Variants in RAPGEF4 observed in about 807,000 individuals in gnomAD.
RAPGEF4 encodes the protein Rap guanine nucleotide exchange factor 4, also known as RAP guanine-nucleotide-exchange factor (GEF) 4.
RAPGEF4 carries 66 observed loss-of-function variants against 147.9 expected under a neutral mutation model. The observed-to-expected ratio is 0.45, with a 90% CI of 0.37 to 0.55. The LOEUF is 0.55. Among genes scored for constraint, RAPGEF4 ranks in the 20% least tolerant of loss-of-function variants. The probability of loss-of-function intolerance (pLI) is 0.00; values close to 1 mark genes in which losing one functional copy is unlikely to be tolerated. For synonymous variants in RAPGEF4, 419 were observed against 442.7 expected (o/e 0.95, Z 0.67); for missense variants, 1,071 against 1,257.3 (o/e 0.85, Z 2.24).
At chr2:172,774,124 A>G (rs1452383371) in intron 1 of RAPGEF4, among the ~76,000 whole-genome samples, 1 of 152,220 alleles carries the variant, frequency 6.6e-6, no homozygotes, top group Non-Finnish European at 1.5e-5. Flanking sequence ...TGATATTATC[A>G]CACCTAAATG....
At chr2:172,771,012 C>T (rs1052013223) in intron 1 of RAPGEF4, among the ~76,000 whole-genome samples, 1 of 152,042 alleles carries the variant, frequency 6.6e-6, no homozygotes, top group Non-Finnish European at 1.5e-5. Context: ...TAGCTTGGCC[C>T]TTGTCTTAGT....
In RAPGEF4 at chr2:172,991,510, G is replaced by A. The variant is rs140409634; in HGVS notation, c.1490+585G>A. On this transcript the variant is annotated intron_variant, in intron 15 of 30. Transcript: ENST00000397081. The stretch of plus-strand genomic sequence containing the variant: ...TAACTTGAGTCTTTTTCAGCATACC[G>A]ATGTTCAGTTCCAGCTTTTGCTGCA... Among the ~76,000 whole-genome samples, 16 of 152,254 alleles carry A rather than the reference G, an allele frequency of 1.1e-4. No individual in the cohort carries two copies. In the East Asian group the frequency reaches 2.9e-3, roughly 28 times the overall value.
At chr2:172,876,394 A>G (rs1352253462) in intron 4 of RAPGEF4, among the ~76,000 whole-genome samples, 1 of 152,154 alleles carries the variant, frequency 6.6e-6, no homozygotes, top group African/African-American at 2.4e-5. Context: ...TTTGTCATAA[A>G]TAGCTCTTAT....
chr2:172,934,567 C>T (rs149578560), intron 6 of RAPGEF4, among the ~76,000 whole-genome samples: 2 of 152,178 alleles, frequency 1.3e-5, no homozygotes, highest in Non-Finnish European at 2.9e-5. Context: ...TTTCAAAGAG[C>T]AAACCACCTA....
At chr2:172,797,376 A>C in intron 2 of RAPGEF4, 149 bp from the exon 3 acceptor site, 1 of 590,970 alleles carries the variant, frequency 1.7e-6, no homozygotes, top group Non-Finnish European at 3.0e-6. Context: ...GTAAAGAAAA[A>C]CATGTTATGT....
At chr2:172,995,500 G>A (rs572385658) in intron 15 of RAPGEF4, among the ~76,000 whole-genome samples, 4 of 152,196 alleles carry the variant, frequency 2.6e-5, no homozygotes, top group South Asian at 2.1e-4. Context: ...GGCTGGTTGC[G>A]AACTTCTGAG....
Position 173,018,669 on chromosome 2 carries a change from C to A in RAPGEF4, c.2022C>A (p.Val674=). ...IRGSDEVLFK[V]YCMDHTYTTI... ...GCCTTTGGATAGTTCTGTTTAAGGT[C>A]TATTGCATGGACCACACCTACACAA... The change falls in exon 22 of 31, where the codon GTC becomes GTA. Residue 674 remains valine, a synonymous_variant. Coordinates refer to ENST00000397081, the MANE Select transcript of RAPGEF4 (RefSeq NM_007023.4). The A allele has an allele frequency of 6.2e-7, 1 of 1,613,984 alleles. No homozygotes were observed. Among genetic ancestry groups the A allele is most frequent in the South Asian group, 1.1e-5 (1 of 91,048 alleles).
At chr2:172,969,547 G>C (rs75012017) in intron 10 of RAPGEF4, among the ~76,000 whole-genome samples, 2,005 of 152,358 alleles carry the variant, frequency 0.013, 20 homozygotes, top group Non-Finnish European at 0.02. Flanking sequence ...ATGAATGGAA[G>C]TGTGAATACA....
chr2:172,998,722 C>T (rs968409306), intron 16 of RAPGEF4, among the ~76,000 whole-genome samples: 4 of 152,184 alleles, frequency 2.6e-5, no homozygotes, highest in Non-Finnish European at 2.9e-5. Context: ...CATATGTAAC[C>T]TCAAATAAAC....
intron 3 of RAPGEF4, among the ~76,000 whole-genome samples, chr2:172,810,740 GTC>G (rs1273640596): frequency 6.6e-6 from 1 of 152,168 alleles, no homozygotes; most frequent in East Asian, 1.9e-4. Context: ...CTTACAGTGT[GTC>G]TGATGCAAGT....
intron 23 of RAPGEF4, among the ~76,000 whole-genome samples, chr2:173,022,253 C>T (rs2105927066): frequency 6.6e-6 from 1 of 152,320 alleles, no homozygotes. Flanking sequence ...CCCTGTGGGG[C>T]AGATACTAAC....
At chr2:172,958,509 G>A (rs1209187523) in intron 6 of RAPGEF4, among the ~76,000 whole-genome samples, 1 of 152,226 alleles carries the variant, frequency 6.6e-6, no homozygotes, top group African/African-American at 2.4e-5. Context: ...GGTGTTAGGT[G>A]CAAGTACAGG....
chr2:172,832,160 TGTC>T (rs1690427624), intron 4 of RAPGEF4, among the ~76,000 whole-genome samples: 1 of 152,210 alleles, frequency 6.6e-6, no homozygotes, highest in South Asian at 2.1e-4. Context: ...GGGCACCTGT[TGTC>T]TTTTGGTTGC....
At chr2:172,934,040 C>G (rs764994261) in intron 6 of RAPGEF4, among the ~76,000 whole-genome samples, 1 of 151,150 alleles carries the variant, frequency 6.6e-6, no homozygotes, top group Non-Finnish European at 1.5e-5. Context: ...CCTTTTTCCT[C>G]GAGTAAATTA....
At chr2:172,793,295 C>T (rs750800413) in intron 1 of RAPGEF4, among the ~76,000 whole-genome samples, 7 of 152,168 alleles carry the variant, frequency 4.6e-5, no homozygotes, top group Non-Finnish European at 8.8e-5. Context: ...GACCCTATTT[C>T]CAAAGAAGAT....
intron 1 of RAPGEF4, among the ~76,000 whole-genome samples, chr2:172,754,598 C>T (rs1695589827): frequency 6.6e-6 from 1 of 152,150 alleles, no homozygotes; most frequent in African/African-American, 2.4e-5. Context: ...GGTCACATAG[C>T]TGCTAAGTGC....
At position 173,042,010 on chromosome 2, in the gene RAPGEF4, T is replaced by A. The variant is rs1378416106; in HGVS notation, c.2853+5318T>A. The stretch of plus-strand genomic sequence containing the variant: ...GTGCCTGACCTCCGTGTAACACCGT[T>A]CTGCGACACCCAGCACTCTCCAACA... On this transcript the variant is annotated intron_variant, in intron 29 of 30. Coordinates refer to ENST00000397081, the MANE Select transcript of RAPGEF4 (RefSeq NM_007023.4). The surrounding 1 kb of genome is among the most constrained non-coding windows in gnomAD (Gnocchi z 4.2). Among the ~76,000 whole-genome samples, 1 of 152,178 alleles carries A rather than the reference T, an allele frequency of 6.6e-6. No individual in the cohort carries two copies. The highest frequency in any genetic ancestry group is 1.5e-5 in the Non-Finnish European group (1 of 68,024).
chr2:172,837,675 A>G (rs1324737153), intron 4 of RAPGEF4, among the ~76,000 whole-genome samples: 3 of 152,084 alleles, frequency 2.0e-5, no homozygotes, highest in Admixed American at 2.0e-4. Context: ...CCTGGGTTCA[A>G]TCCCACCTCA....
intron 16 of RAPGEF4, among the ~76,000 whole-genome samples, chr2:172,999,375 G>A (rs72907592): frequency 0.041 from 6,277 of 152,220 alleles, 186 homozygotes; most frequent in East Asian, 0.074. Context: ...GTAGGTCCAC[G>A]AAATTTGTGG....
Sources: gnomAD v4.1 joint callset for allele counts (sites outside exome capture counted in the v4.1 genomes callset) on GRCh38, gnomAD v4.1.1 for gene constraint, Gnocchi (gnomAD v3.1) non-coding constraint, MANE v1.5 for transcripts, NCBI Gene and HGNC (gene_info 2026-07-23, HGNC 2026-07-21) for gene names.